Variants in PRAG1 observed in about 807,000 individuals in gnomAD.
PRAG1 encodes inactive tyrosine-protein kinase PRAG1.
Under a neutral mutation model 95.6 loss-of-function variants are expected in PRAG1, and 110 were observed. That is an observed-to-expected ratio of 1.15 (90% CI 0.99 to 1.35). The LOEUF is 1.35. PRAG1 is among the 40% of genes most tolerant of loss of function. PRAG1 has a pLI of 0.00. For synonymous variants in PRAG1, 1,052 were observed against 819.4 expected (o/e 1.28, Z -4.85); for missense variants, 2,554 against 1,864.7 (o/e 1.37, Z -6.81).
chr8:8,374,073 G>C (rs1800301379), intron 3 of PRAG1, among the ~76,000 whole-genome samples: 1 of 152,234 alleles, frequency 6.6e-6, no homozygotes, highest in African/African-American at 2.4e-5. Context: ...TGCACAATCA[G>C]CAGCCTGGGT....
At chr8:8,385,525 T>A (rs751448871) in intron 1 of PRAG1, among the ~76,000 whole-genome samples, 1 of 152,184 alleles carries the variant, frequency 6.6e-6, no homozygotes, top group East Asian at 1.9e-4. Context: ...TTGTTAAGAA[T>A]AGTTCAGGCC....
At chr8:8,366,446 T>G (rs1019175034) in intron 3 of PRAG1, among the ~76,000 whole-genome samples, 3 of 151,928 alleles carry the variant, frequency 2.0e-5, no homozygotes, top group African/African-American at 7.3e-5. Flanking sequence ...CCTGAGTAGC[T>G]AAGATTACAT....
chr8:8,327,827 A>T lies in PRAG1; in HGVS notation c.2955T>A (p.Asn985Lys), dbSNP rs1409873029. ...GCTTGAAGAGCGACCAGTTATTCTC[A>T]TTGAAGTGGAGCTCCTTTTTCTGGC... ...MGGQKKELHF[N>K]ENNWSLFKLT... Residue 985 changes from asparagine to lysine, a missense_variant, in exon 5 of 6, where the codon AAT becomes AAA. Transcript: ENST00000615670. The T allele has an allele frequency of 1.4e-5, 23 of 1,614,040 alleles. No individual in the cohort carries two copies. Among genetic ancestry groups the T allele is most frequent in the Non-Finnish European group, 1.9e-5 (22 of 1,180,006 alleles).
chr8:8,350,095 A>G (rs547207612), intron 3 of PRAG1, among the ~76,000 whole-genome samples: 2 of 152,214 alleles, frequency 1.3e-5, no homozygotes, highest in Non-Finnish European at 2.9e-5. Context: ...TTAGCATGAG[A>G]GATAGAAACA....
At chr8:8,329,357 C>A (rs952370806) in intron 4 of PRAG1, among the ~76,000 whole-genome samples, 36 of 151,956 alleles carry the variant, frequency 2.4e-4, no homozygotes, top group Non-Finnish European at 7.4e-5. Context: ...TGCGCCACTA[C>A]ACTCAGCCTG....
At chr8:8,345,638 C>G (rs1213445143) in intron 3 of PRAG1, among the ~76,000 whole-genome samples, 1 of 151,868 alleles carries the variant, frequency 6.6e-6, no homozygotes, top group Non-Finnish European at 1.5e-5. Flanking sequence ...TAAAAACAAA[C>G]CAAAAAATTA....
At chr8:8,322,399 C>T (rs1031219367) in intron 5 of PRAG1, among the ~76,000 whole-genome samples, 1 of 152,230 alleles carries the variant, frequency 6.6e-6, no homozygotes, top group South Asian at 2.1e-4. Context: ...CCAGGCTGGT[C>T]TCGAACTCCT....
intron 4 of PRAG1, among the ~76,000 whole-genome samples, chr8:8,333,025 C>T (rs549452863): frequency 1.3e-5 from 2 of 152,220 alleles, no homozygotes; most frequent in Non-Finnish European, 2.9e-5. Context: ...CCTAAAAAAT[C>T]CTCCACGACT....
chr8:8,348,553 C>T (rs1223316261), intron 3 of PRAG1, among the ~76,000 whole-genome samples: 4 of 152,128 alleles, frequency 2.6e-5, no homozygotes, highest in Non-Finnish European at 5.9e-5. Flanking sequence ...TCCAAGCAGG[C>T]TCGTCTTTGT....
At chr8:8,379,048 G>A (rs865938448) in intron 2 of PRAG1, among the ~76,000 whole-genome samples, 5 of 150,110 alleles carry the variant, frequency 3.3e-5, no homozygotes, top group East Asian at 2.0e-4. Context: ...CTTCTGAACC[G>A]GATCAGAGTG....
chr8:8,376,924 A>G lies in PRAG1; in HGVS notation c.1485T>C (p.Ser495=). The G allele has an allele frequency of 6.2e-7, 1 of 1,613,380 alleles. No individual in the cohort carries two copies. The highest frequency in any genetic ancestry group is 8.5e-7 in the Non-Finnish European group (1 of 1,180,022). ...CTCGTGGCCACTGCACCCCCACTGC[A>G]GAGTCAGGGCTGCTCAGGTAGATCG... ...HRTIYLSSPD[S]AVGVQWPRGP... is the part of the protein sequence containing the mutation. The change falls in exon 3 of 6, where the codon TCT becomes TCC. Residue 495 remains serine, a synonymous_variant. Transcript: ENST00000615670.
intron 2 of PRAG1, 115 bp from the exon 3 acceptor site, chr8:8,378,193 G>T: frequency 8.1e-7 from 1 of 1,240,536 alleles, no homozygotes; most frequent in Non-Finnish European, 1.1e-6. Context: ...CTGTAGTGCA[G>T]TGCAGGGGCG....
chr8:8,349,219 A>C (rs987952390), intron 3 of PRAG1, among the ~76,000 whole-genome samples: 2 of 152,158 alleles, frequency 1.3e-5, no homozygotes, highest in African/African-American at 4.8e-5. Context: ...TAGGAGGAGA[A>C]AGGCAGATAA....
chr8:8,319,033 C>G lies in PRAG1; in HGVS notation c.3342G>C (p.Glu1114Asp), dbSNP rs762906607. The G allele has an allele frequency of 2.5e-6, 4 of 1,613,144 alleles. No homozygotes were observed. In the African/African-American group the frequency reaches 5.3e-5, roughly 22 times the overall value. ...ACACGCGCCGCTCGTACGCCTCGGG[C>G]TCCGCCTGGTGGCTGGCCGCCGAGT... ...VRDSAASHQA[E>D]PEAYERRVCF... Residue 1114 changes from glutamate (E) to aspartate (D), a missense_variant, in exon 6 of 6, where the codon GAG (glutamate) becomes GAC (aspartate). Physicochemically the swap from Glu to Asp is conservative, Grantham distance 45 (BLOSUM62 2). Coordinates refer to ENST00000615670, the MANE Select transcript of PRAG1 (RefSeq NM_001080826.3).
chr8:8,374,423 T>C (rs758342067), intron 3 of PRAG1, among the ~76,000 whole-genome samples: 1 of 152,230 alleles, frequency 6.6e-6, no homozygotes, highest in Non-Finnish European at 1.5e-5. Context: ...TCCATGCTCC[T>C]TGATGTCCTG....
In PRAG1 at chr8:8,376,932, G is replaced by C. The variant is rs760846433; in HGVS notation, c.1477C>G (p.Pro493Ala). ...EDHRTIYLSS[P>A]DSAVGVQWPR... ...CACTGCACCCCCACTGCAGAGTCAG[G>C]GCTGCTCAGGTAGATCGTCCGATGG... The change falls in exon 3 of 6, where the codon CCT becomes GCT. Residue 493 changes from proline (P) to alanine (A), a missense_variant. Coordinates refer to ENST00000615670, the MANE Select transcript of PRAG1 (RefSeq NM_001080826.3). The C allele has an allele frequency of 5.0e-6, 8 of 1,613,278 alleles. No homozygotes were observed. In the South Asian group the frequency reaches 8.8e-5, roughly 18 times the overall value.
intron 3 of PRAG1, among the ~76,000 whole-genome samples, chr8:8,368,194 G>C (rs1366627304): frequency 6.6e-6 from 1 of 152,218 alleles, no homozygotes; most frequent in Non-Finnish European, 1.5e-5. Flanking sequence ...GAAAATATCT[G>C]AGAACAAAAA....
chr8:8,350,284 T>A (rs1799480382), intron 3 of PRAG1, among the ~76,000 whole-genome samples: 1 of 152,058 alleles, frequency 6.6e-6, no homozygotes. Context: ...GACAGGGAGA[T>A]GGAGCTGCTG....
Position 8,319,948 on chromosome 8 carries a change from A to G in PRAG1, c.3073-646T>C, listed in dbSNP as rs146735135. Among the ~76,000 whole-genome samples, 14 of 152,374 alleles carry G rather than the reference A, an allele frequency of 9.2e-5. No individual in the cohort carries two copies. The East Asian group carries it at 2.7e-3, about 29-fold the overall frequency. On this transcript the variant is annotated intron_variant, in intron 5 of 5. Transcript: ENST00000615670. ...TAATAAAAGACAATTCCAAGTGTCT[A>G]TGAGGATGAGCAGAAATGGGAAACC...
Sources: allele counts gnomAD v4.1 joint callset (sites outside exome capture counted in the v4.1 genomes callset), GRCh38; gene constraint gnomAD v4.1.1; transcripts MANE v1.5; gene names NCBI Gene and HGNC (gene_info 2026-07-23, HGNC 2026-07-21).